PCP2: variants seen among roughly 807,000 people sequenced by gnomAD.
PCP2 encodes the protein Purkinje cell protein 2 homolog.
In PCP2, 21 loss-of-function variants were observed where a neutral mutation model predicts 18.3. The ratio of observed to expected loss-of-function variants is 1.14; its 90% CI spans 0.81 to 1.65. The LOEUF (loss-of-function observed/expected upper bound fraction) is 1.65, where lower values mean the gene tolerates loss of function less well. Ranked by LOEUF, PCP2 falls within the 40% of genes most tolerant of loss-of-function variation. The pLI is 0.00. For synonymous variants in PCP2, 85 were observed against 77.6 expected (o/e 1.10, Z -0.50); for missense variants, 202 against 201.8 (o/e 1.00, Z 0.00).
chr19:7,632,650 G>C lies in PCP2; in HGVS notation c.166+66C>G. 1.3e-6 allele frequency: 2 copies of C among 1,560,264 alleles called. No homozygotes were observed. Among genetic ancestry groups the C allele is most frequent in the Non-Finnish European group, 1.7e-6 (2 of 1,156,112 alleles). On this transcript the variant is annotated intron_variant, in intron 2 of 3. Transcript: ENST00000311069. This position sits in a 1 kb window ranked among gnomAD's most constrained non-coding sequence, Gnocchi z 5.2. Reference sequence around the variant, plus strand: ...TCCCGTGCCCCCAGGCCCTCCAGATGACCACTTGCCCTGCACTCCCACCCC... The same window carrying C: ...TCCCGTGCCCCCAGGCCCTCCAGATCACCACTTGCCCTGCACTCCCACCCC...
upstream of PCP2, among the ~76,000 whole-genome samples, chr19:7,634,418 C>A (rs1166873725): frequency 2.0e-5 from 3 of 152,238 alleles, no homozygotes; most frequent in Non-Finnish European, 4.4e-5. Context: ...GCCAAGTTCA[C>A]ACTCTCTCCC....
Position 7,631,671 on chromosome 19 carries a change from C to A in PCP2, c.*18G>T. On this transcript the variant is annotated 3_prime_UTR_variant, in exon 4 of 4. Transcript: ENST00000311069. Reference sequence around the variant, plus strand: ...TCAGTTTTTGGGGGCCGAGTGAGACCCAGGATGCCTCAGGCCCTCAGGGGG... The same window carrying A: ...TCAGTTTTTGGGGGCCGAGTGAGACACAGGATGCCTCAGGCCCTCAGGGGG... 1 of 1,466,790 alleles carries A rather than the reference C, an allele frequency of 6.8e-7. No individual in the cohort carries two copies. 90.9% of individuals were successfully genotyped at this position (1,466,790 alleles called of 1,614,324 possible). A position where few individuals can be genotyped will look rare whatever the true frequency, so the allele number is the denominator to read the frequency against.
upstream of PCP2, chr19:7,636,631 T>C (rs1230901061): frequency 6.7e-6 from 1 of 149,908 alleles, no homozygotes; most frequent in Non-Finnish European, 1.5e-5. Flanking sequence ...TGAATGAAAA[T>C]TATGTCCAGG....
rs140979086 is a variant in PCP2 at position 7,632,513 on chromosome 19, G to A, written c.171C>T (p.Ser57=). 3.7e-4 allele frequency: 603 copies of A among 1,612,946 alleles called. No homozygotes were observed. The highest frequency in any genetic ancestry group is 4.2e-4 in the Non-Finnish European group (501 of 1,179,900). ...GGCTGTCCATCTCGGGGGTGGGGTC[G>A]CTCTCTGCGTGGACGTTCACAGACT... ...AGPGQTTKSQ[S]DPTPEMDSLM... is the part of the protein sequence containing the mutation. The change falls in exon 3 of 4, where the codon AGC becomes AGT. Residue 57 remains serine (S), a synonymous_variant. Transcript: ENST00000311069. This position sits in a 1 kb window ranked among gnomAD's most constrained non-coding sequence, Gnocchi z 5.2.
chr19:7,636,937 C>A, upstream of PCP2: 1 of 415,326 alleles, frequency 2.4e-6, no homozygotes, highest in South Asian at 1.3e-4. Context: ...GCACCTCCAG[C>A]GACTTCGTGC....
rs777744065 is a variant in PCP2 at position 7,632,495 on chromosome 19, C to T, written c.189G>A (p.Met63Ile). 3.7e-6 allele frequency: 6 copies of T among 1,613,606 alleles called. No homozygotes were observed. Among genetic ancestry groups the T allele is most frequent in the Non-Finnish European group, 4.2e-6 (5 of 1,179,952 alleles). ...TKSQSDPTPEMDSLMDMLAST... is the reference protein window; with the variant it reads ...TKSQSDPTPEIDSLMDMLAST... ...TGGCCAGCATGTCCATGAGGCTGTC[C>T]ATCTCGGGGGTGGGGTCGCTCTCTG... Residue 63 changes from methionine to isoleucine, a missense_variant, in exon 3 of 4, where the codon ATG becomes ATA. Physicochemically the swap from Met to Ile is conservative, Grantham distance 10. Coordinates refer to ENST00000311069, the MANE Select transcript of PCP2 (RefSeq NM_174895.3). This position sits in a 1 kb window ranked among gnomAD's most constrained non-coding sequence, Gnocchi z 5.2.
rs2031415852 is a variant in PCP2 at position 7,633,403 on chromosome 19, T to C, written c.51+4A>G. ...GGGGTGGGGTGGGGGCAGGGCCCTC[T>C]CACCTCGGCACAGGGGCCTGAGCCT... On this transcript the variant is annotated splice_donor_region_variant and intron_variant, in intron 1 of 3. Coordinates refer to ENST00000311069, the MANE Select transcript of PCP2 (RefSeq NM_174895.3). 1 of 1,567,986 alleles carries C rather than the reference T, an allele frequency of 6.4e-7. No homozygotes were observed. The highest frequency in any genetic ancestry group is 1.2e-5 in the South Asian group (1 of 85,358).
rs2031378378 is a variant in PCP2 at position 7,632,763 on chromosome 19, C to T, written c.119G>A (p.Gly40Glu). Residue 40 changes from glycine (G) to glutamate (E), a missense_variant, in exon 2 of 4, where the codon GGA becomes GAA. By Grantham distance (98) the Gly-to-Glu change is moderately conservative (BLOSUM62 -2). Coordinates refer to ENST00000311069, the MANE Select transcript of PCP2 (RefSeq NM_174895.3). The surrounding 1 kb of genome is among the most constrained non-coding windows in gnomAD (Gnocchi z 5.2). ...CCCGGCTTGCAGTGAACAGCGCTGT[C>T]CCTCCATCCGGTCGCCCTGCACGTG... ...LSHVQGDRME[G>E]QRCSLQAGPG... is the part of the protein sequence containing the mutation. The T allele has an allele frequency of 1.9e-6, 3 of 1,568,766 alleles. No individual in the cohort carries two copies. Among genetic ancestry groups the T allele is most frequent in the Non-Finnish European group, 2.6e-6 (3 of 1,161,232 alleles).
chr19:7,633,452 C>G lies in PCP2; in HGVS notation c.6G>C (p.Met2Ile), dbSNP rs373675799. Residue 2 changes from methionine (M) to isoleucine (I), a missense_variant, in exon 1 of 4, where the codon ATG becomes ATC. Transcript: ENST00000311069. The stretch of plus-strand genomic sequence containing the variant: ...CTTCCTCCGTCTTCTCCTCCTGATC[C>G]ATCATGTCCCTGGACTCCAGTCACT... M[M>I]DQEEKTEEGS... is the part of the protein sequence containing the mutation. 7.0e-6 allele frequency: 11 copies of G among 1,576,238 alleles called. No homozygotes were observed. The African/African-American group carries it at 1.3e-4, about 19-fold the overall frequency.
chr19:7,636,944 G>A, upstream of PCP2: 1 of 431,910 alleles, frequency 2.3e-6, no homozygotes, highest in Non-Finnish European at 3.9e-6. Context: ...CAGCGACTTC[G>A]TGCTCGGCAG....
At chr19:7,636,903 T>C, upstream of PCP2, 1 of 390,446 alleles carries the variant, frequency 2.6e-6, no homozygotes, top group Non-Finnish European at 4.5e-6. Flanking sequence ...TGAACTCCCA[T>C]CTGTGAGCGT....
At chr19:7,635,450 T>G (rs2031489666), upstream of PCP2, among the ~76,000 whole-genome samples, 1 of 152,200 alleles carries the variant, frequency 6.6e-6, no homozygotes, top group African/African-American at 2.4e-5. Context: ...ATCCTAACAC[T>G]TTGGGAGGCC....
rs1326121013 is a variant in PCP2, at chr19:7,633,451, C to G, written c.7G>C (p.Asp3His). 4 of 1,576,484 alleles carry G rather than the reference C, an allele frequency of 2.5e-6. No homozygotes were observed. The highest frequency in any genetic ancestry group is 3.4e-6 in the Non-Finnish European group (4 of 1,159,668). MM[D>H]QEEKTEEGSG... ...CCTTCCTCCGTCTTCTCCTCCTGATCCATCATGTCCCTGGACTCCAGTCAC... is the reference window on the plus strand; with the variant it reads ...CCTTCCTCCGTCTTCTCCTCCTGATGCATCATGTCCCTGGACTCCAGTCAC... Residue 3 changes from aspartate (D) to histidine (H), a missense_variant, in exon 1 of 4, where the codon GAT becomes CAT. Physicochemically the swap from Asp to His is moderately conservative, Grantham distance 81. Coordinates refer to ENST00000311069, the MANE Select transcript of PCP2 (RefSeq NM_174895.3).
chr19:7,635,687 C>T (rs1481840927), upstream of PCP2, among the ~76,000 whole-genome samples: 1 of 151,958 alleles, frequency 6.6e-6, no homozygotes, highest in Admixed American at 6.6e-5. Context: ...CAGAGCGAGA[C>T]CCGTCTCTTT....
Position 7,632,882 on chromosome 19 carries a change from C to T in PCP2, c.52-52G>A. The T allele has an allele frequency of 6.5e-7, 1 of 1,532,576 alleles. No individual in the cohort carries two copies. The highest frequency in any genetic ancestry group is 8.8e-7 in the Non-Finnish European group (1 of 1,142,462). 94.9% of individuals were successfully genotyped at this position (1,532,576 alleles called of 1,614,324 possible). A position where few individuals can be genotyped will look rare whatever the true frequency, so the allele number is the denominator to read the frequency against. On this transcript the variant is annotated intron_variant, in intron 1 of 3. Transcript: ENST00000311069. This position sits in a 1 kb window ranked among gnomAD's most constrained non-coding sequence, Gnocchi z 5.2. ...TGGCCCTTCAGCTTGGGGGCCCCTC[C>T]CCAAACTTCCTAGCCAGCTTGCTCA...
chr19:7,634,202 C>T (rs981848131), upstream of PCP2, among the ~76,000 whole-genome samples: 2 of 152,202 alleles, frequency 1.3e-5, no homozygotes, highest in African/African-American at 4.8e-5. Flanking sequence ...GGGACAGAGG[C>T]AGGCGGGGAG....
Position 7,633,147 on chromosome 19 carries a change from G to A in PCP2, c.51+260C>T, listed in dbSNP as rs961483144. On this transcript the variant is annotated intron_variant, in intron 1 of 3. Transcript: ENST00000311069. ...GAGTGTGGCCTGGGAGCTGGGACAC[G>A]AATCAGGGAAACATGGCCCAGGAGC... The A allele has an allele frequency of 5.7e-5, 21 of 370,236 alleles. No homozygotes were observed. The Admixed American group carries it at 7.1e-4, about 12-fold the overall frequency. 22.9% of individuals were successfully genotyped at this position (370,236 alleles called of 1,614,324 possible). A position where few individuals can be genotyped will look rare whatever the true frequency, so the allele number is the denominator to read the frequency against.
chr19:7,633,657 G>T lies in PCP2; in HGVS notation c.-200C>A. ...TTTGCCCACAACGATGCTGGATCTGGCATGGTGGGTAGGGGGCAGGGCGAC... is the reference window on the plus strand; with the variant it reads ...TTTGCCCACAACGATGCTGGATCTGTCATGGTGGGTAGGGGGCAGGGCGAC... On this transcript the variant is annotated 5_prime_UTR_variant, in exon 1 of 4. Coordinates refer to ENST00000311069, the MANE Select transcript of PCP2 (RefSeq NM_174895.3). The T allele has an allele frequency of 1.7e-6, 1 of 603,824 alleles. No homozygotes were observed. The highest frequency in any genetic ancestry group is 2.1e-5 in the South Asian group (1 of 48,088). 37.4% of individuals were successfully genotyped at this position (603,824 alleles called of 1,614,324 possible).
rs2031371093 is a variant in PCP2, at chr19:7,632,667, T to TC, written c.166+48dup. On this transcript the variant is annotated intron_variant, in intron 2 of 3. Coordinates refer to ENST00000311069, the MANE Select transcript of PCP2 (RefSeq NM_174895.3). The surrounding 1 kb of genome is among the most constrained non-coding windows in gnomAD (Gnocchi z 5.2). ...CTCCAGATGACCACTTGCCCTGCAC[T>TC]CCCACCCCGTTCACGCCCCATGGAC... is the stretch of plus-strand genomic sequence containing the variant. The TC allele has an allele frequency of 6.4e-7, 1 of 1,552,098 alleles. No homozygotes were observed. The highest frequency in any genetic ancestry group is 1.4e-5 in the African/African-American group (1 of 73,364).
Sources: gnomAD v4.1 joint callset for allele counts (sites outside exome capture counted in the v4.1 genomes callset) on GRCh38, gnomAD v4.1.1 for gene constraint, Gnocchi (gnomAD v3.1) non-coding constraint, MANE v1.5 for transcripts, NCBI Gene and HGNC (gene_info 2026-07-23, HGNC 2026-07-21) for gene names.